Variants in CDH13 observed in about 807,000 individuals in gnomAD.
The protein encoded by CDH13 is cadherin-13.
Under a neutral mutation model 63.8 loss-of-function variants are expected in CDH13, and 24 were observed. The ratio of observed to expected loss-of-function variants is 0.38; its 90% CI spans 0.27 to 0.53. The LOEUF is 0.53. CDH13 is among the 20% of genes least tolerant of loss of function. The probability of loss-of-function intolerance (pLI) is 0.85; values close to 1 mark genes in which losing one functional copy is unlikely to be tolerated. For synonymous variants in CDH13, 503 were observed against 355.3 expected (o/e 1.42, Z -4.67); for missense variants, 1,049 against 903.1 (o/e 1.16, Z -2.07).
At chr16:82,883,186 T>G (rs1038529063) in intron 2 of CDH13, among the ~76,000 whole-genome samples, 1 of 152,206 alleles carries the variant, frequency 6.6e-6, no homozygotes, top group African/African-American at 2.4e-5. Flanking sequence ...GCCAGTTCCG[T>G]TGTGGAAAAT....
At position 83,795,698 on chromosome 16, in the gene CDH13, C is replaced by G. The variant is rs1904277741; in HGVS notation, c.*668C>G. The G allele has an allele frequency of 6.6e-6, 1 of 152,212 alleles. No individual in the cohort carries two copies. The highest frequency in any genetic ancestry group is 1.5e-5 in the Non-Finnish European group (1 of 68,048). 9.4% of individuals were successfully genotyped at this position (152,212 alleles called of 1,614,324 possible). On this transcript the variant is annotated 3_prime_UTR_variant, in exon 14 of 14. Coordinates refer to ENST00000567109, the MANE Select transcript of CDH13 (RefSeq NM_001257.5). ...TCTTTATTGAGTTCGAGGACTACAACCAATTTACACTGCCATCTGATGCCG... is the reference window on the plus strand; with the variant it reads ...TCTTTATTGAGTTCGAGGACTACAAGCAATTTACACTGCCATCTGATGCCG...
At chr16:82,804,894 A>G (rs1304138571) in intron 1 of CDH13, among the ~76,000 whole-genome samples, 1 of 152,158 alleles carries the variant, frequency 6.6e-6, no homozygotes, top group Non-Finnish European at 1.5e-5. Context: ...ATTCCCTCAG[A>G]TTTTGTTTTT....
In CDH13 at chr16:82,627,341, T is replaced by C. The variant is rs62040565; in HGVS notation, c.45+204T>C. 0.015 allele frequency among the ~76,000 whole-genome samples: 159 copies of C among 10,848 alleles called. No homozygotes were observed. The Middle Eastern group carries it at 0.3, about 20-fold the overall frequency. 7.1% of individuals were successfully genotyped at this position (10,848 alleles called of 152,430 possible). A position where few individuals can be genotyped will look rare whatever the true frequency, so the allele number is the denominator to read the frequency against. ...ACAGGCTCCCACTCTGGCGTGCGTG[T>C]GTGTGTGTGTGTGTGTGTGTGTGTG... On this transcript the variant is annotated intron_variant, in intron 1 of 13. Transcript: ENST00000567109.
intron 5 of CDH13, among the ~76,000 whole-genome samples, chr16:83,310,123 G>A (rs2089968103): frequency 6.6e-6 from 1 of 152,194 alleles, no homozygotes; most frequent in African/African-American, 2.4e-5. Context: ...CATTGGAAGT[G>A]ACAGATGAAA....
At chr16:83,414,666 A>G (rs188055199) in intron 6 of CDH13, among the ~76,000 whole-genome samples, 2 of 152,322 alleles carry the variant, frequency 1.3e-5, no homozygotes, top group East Asian at 3.9e-4. Flanking sequence ...GGAACCATGC[A>G]GTATTAGTCT....
At chr16:83,628,289 G>C (rs934069649) in intron 8 of CDH13, among the ~76,000 whole-genome samples, 15 of 152,234 alleles carry the variant, frequency 9.9e-5, no homozygotes, top group African/African-American at 3.6e-4. Flanking sequence ...CATATTTTTT[G>C]GAGAAGCAGG....
At chr16:83,497,239 T>G (rs1414944406) in intron 7 of CDH13, among the ~76,000 whole-genome samples, 1 of 151,946 alleles carries the variant, frequency 6.6e-6, no homozygotes, top group Admixed American at 6.5e-5. Flanking sequence ...CTATTCACAA[T>G]AGCAAAGACT....
At chr16:82,844,020 G>A (rs547738663) in intron 1 of CDH13, among the ~76,000 whole-genome samples, 31 of 152,178 alleles carry the variant, frequency 2.0e-4, no homozygotes, top group African/African-American at 2.2e-4. Flanking sequence ...CCTCTTGTAA[G>A]CTTCTCATGG....
intron 2 of CDH13, among the ~76,000 whole-genome samples, chr16:82,880,489 T>A (rs1254440876): frequency 6.6e-6 from 1 of 152,164 alleles, no homozygotes; most frequent in Non-Finnish European, 1.5e-5. Flanking sequence ...TGCTCTGTTA[T>A]TTTGGTGATG....
rs143471332 is a variant in CDH13, at chr16:83,534,913, G to C, written c.960+48258G>C. On this transcript the variant is annotated intron_variant, in intron 7 of 13. Coordinates refer to ENST00000567109, the MANE Select transcript of CDH13 (RefSeq NM_001257.5). ...TTCTTCTTTACACAAATTCATTAGA[G>C]CACAAATGTCAATGTCTAGGACAAT... Among the ~76,000 whole-genome samples, 251 of 152,320 alleles carry C rather than the reference G, an allele frequency of 1.6e-3. 2 individuals carry two copies. Among genetic ancestry groups the C allele is most frequent in the African/African-American group, 5.8e-3 (240 of 41,574 alleles).
chr16:83,169,364 A>G (rs539384880), intron 4 of CDH13, among the ~76,000 whole-genome samples: 2 of 151,906 alleles, frequency 1.3e-5, no homozygotes, highest in Non-Finnish European at 2.9e-5. Flanking sequence ...TTTAGTAGAG[A>G]CAGGATTTCA....
chr16:83,665,500 A>C (rs1033790523), intron 8 of CDH13, among the ~76,000 whole-genome samples: 5 of 152,176 alleles, frequency 3.3e-5, no homozygotes, highest in Admixed American at 2.0e-4. Flanking sequence ...ATAGACTCAA[A>C]AATGTTTGCA....
chr16:82,960,456 A>G (rs908754736), intron 2 of CDH13, among the ~76,000 whole-genome samples: 4 of 152,194 alleles, frequency 2.6e-5, no homozygotes, highest in Admixed American at 6.5e-5. Flanking sequence ...GGTTAGAAAT[A>G]AGAGTCTGGA....
At chr16:82,990,380 A>T (rs968747763) in intron 2 of CDH13, 1 of 152,100 alleles carries the variant, frequency 6.6e-6, no homozygotes, top group African/African-American at 2.4e-5. Context: ...ATCTTGGCCT[A>T]CCAATCTCTC....
rs117017267 is a variant in CDH13, at chr16:83,528,692, T to C, written c.960+42037T>C. On this transcript the variant is annotated intron_variant, in intron 7 of 13. Coordinates refer to ENST00000567109, the MANE Select transcript of CDH13 (RefSeq NM_001257.5). Reference sequence around the variant, plus strand: ...CATCTATCTCTAAATTCTCTGACAGTGCTGAGATGTAACGAACAGCATTAA... The same window carrying C: ...CATCTATCTCTAAATTCTCTGACAGCGCTGAGATGTAACGAACAGCATTAA... 4.6e-3 allele frequency among the ~76,000 whole-genome samples: 702 copies of C among 152,340 alleles called. 29 individuals carry two copies. The East Asian group carries it at 0.1, about 22-fold the overall frequency.
At chr16:83,341,842 C>A (rs2090729225) in intron 5 of CDH13, among the ~76,000 whole-genome samples, 2 of 152,174 alleles carry the variant, frequency 1.3e-5, no homozygotes, top group South Asian at 4.1e-4. Context: ...TCAGAGTCTG[C>A]TATTGCTATT....
chr16:83,379,280 G>A (rs1408890444), intron 6 of CDH13, among the ~76,000 whole-genome samples: 1 of 152,126 alleles, frequency 6.6e-6, no homozygotes, highest in Non-Finnish European at 1.5e-5. Flanking sequence ...AAAAATATTA[G>A]ATACGAAGCT....
intron 1 of CDH13, among the ~76,000 whole-genome samples, chr16:82,649,426 G>A (rs971809272): frequency 6.6e-6 from 1 of 152,178 alleles, no homozygotes; most frequent in Non-Finnish European, 1.5e-5. Flanking sequence ...GAAGGAAGTG[G>A]CAGATAGTCT....
At chr16:83,186,656 C>A (rs1371075826) in intron 4 of CDH13, among the ~76,000 whole-genome samples, 1 of 152,142 alleles carries the variant, frequency 6.6e-6, no homozygotes, top group Admixed American at 6.5e-5. Context: ...GGGTTGAGAA[C>A]CACTGGGTTA....
Sources: allele counts gnomAD v4.1 joint callset (sites outside exome capture counted in the v4.1 genomes callset), GRCh38; gene constraint gnomAD v4.1.1; transcripts MANE v1.5; gene names NCBI Gene and HGNC (gene_info 2026-07-23, HGNC 2026-07-21).